The following ULK4 variants were observed in gnomAD, a reference collection of about 807,000 sequenced individuals.
ULK4 encodes the protein unc-51 like kinase 4.
Under a neutral mutation model 160.6 loss-of-function variants are expected in ULK4, and 133 were observed. The ratio of observed to expected loss-of-function variants is 0.83; its 90% CI spans 0.72 to 0.96. The LOEUF (loss-of-function observed/expected upper bound fraction) is 0.96. Among genes scored for constraint, ULK4 ranks in the 40% least tolerant of loss-of-function variants. ULK4 has a pLI of 0.00. For missense variants in ULK4, 1,580 were observed against 1,499.5 expected (o/e 1.05, Z -0.89); for synonymous variants, 534 against 539.8 (o/e 0.99, Z 0.15).
At chr3:41,722,382 A>C (rs961655522) in intron 22 of ULK4, among the ~76,000 whole-genome samples, 1 of 152,128 alleles carries the variant, frequency 6.6e-6, no homozygotes, top group African/African-American at 2.4e-5. Context: ...TAATCCCAGC[A>C]CTTTGGGAGG....
intron 21 of ULK4, among the ~76,000 whole-genome samples, chr3:41,758,315 C>CA (rs1292783522): frequency 6.6e-6 from 1 of 151,960 alleles, no homozygotes; most frequent in Non-Finnish European, 1.5e-5. Context: ...TCAACCAAAA[C>CA]AAAAAACAAA....
At chr3:41,614,550 C>A (rs1312164938) in intron 31 of ULK4, among the ~76,000 whole-genome samples, 1 of 152,070 alleles carries the variant, frequency 6.6e-6, no homozygotes, top group Admixed American at 6.6e-5. Context: ...CTCTAAAATC[C>A]CTTCTTACAA....
intron 30 of ULK4, among the ~76,000 whole-genome samples, chr3:41,658,018 T>C (rs1358069742): frequency 6.6e-6 from 1 of 151,890 alleles, no homozygotes; most frequent in African/African-American, 2.4e-5. Context: ...AAGCAAATAA[T>C]AAGACAGAAA....
intron 32 of ULK4, among the ~76,000 whole-genome samples, chr3:41,543,935 C>T (rs1035973913): frequency 3.3e-5 from 5 of 151,978 alleles, no homozygotes; most frequent in African/African-American, 1.2e-4. Context: ...CCACACTTTC[C>T]TTTAATTCTT....
At chr3:41,752,504 A>G (rs1428407025) in intron 22 of ULK4, among the ~76,000 whole-genome samples, 1 of 152,160 alleles carries the variant, frequency 6.6e-6, no homozygotes, top group Non-Finnish European at 1.5e-5. Context: ...GATGAGAAAC[A>G]AGGAGGTTTG....
At chr3:41,370,559 G>A (rs554888018) in intron 35 of ULK4, among the ~76,000 whole-genome samples, 1 of 152,276 alleles carries the variant, frequency 6.6e-6, no homozygotes, top group African/African-American at 2.4e-5. Context: ...GCAAGGGGTT[G>A]GGGAACTTCC....
At chr3:41,252,609 G>GAAA (rs35292590) in intron 35 of ULK4, among the ~76,000 whole-genome samples, 3 of 104,516 alleles carry the variant, frequency 2.9e-5, no homozygotes, top group African/African-American at 3.9e-5. Context: ...AGCAGAGATT[G>GAAA]AAAAAAAAAA....
chr3:41,798,848 A>G lies in ULK4; in HGVS notation c.2010+1284T>C, dbSNP rs150421515. ...GAGTCAGGAAAGGGCAAAAATAACC[A>G]TTTGAATTAGGTTCCCAAGAAGGGA... is the stretch of plus-strand genomic sequence containing the variant. On this transcript the variant is annotated intron_variant, in intron 20 of 36. Transcript: ENST00000301831. Among the ~76,000 whole-genome samples the G allele has an allele frequency of 3.7e-4, 56 of 152,242 alleles. 1 individual carries two copies. The highest frequency in any genetic ancestry group is 1.0e-3 in the South Asian group (5 of 4,810).
intron 22 of ULK4, among the ~76,000 whole-genome samples, chr3:41,729,849 A>G (rs2037766925): frequency 6.6e-6 from 1 of 152,250 alleles, no homozygotes; most frequent in Non-Finnish European, 1.5e-5. Flanking sequence ...TAGCTGAAAC[A>G]ACGGCACAAA....
chr3:41,281,095 G>T (rs2079343476), intron 35 of ULK4, among the ~76,000 whole-genome samples: 1 of 152,086 alleles, frequency 6.6e-6, no homozygotes, highest in South Asian at 2.1e-4. Context: ...ACCCTCCCAA[G>T]ACTAAACCAG....
intron 16 of ULK4, among the ~76,000 whole-genome samples, chr3:41,886,812 G>A (rs1439971424): frequency 1.3e-5 from 2 of 152,084 alleles, no homozygotes; most frequent in East Asian, 1.9e-4. Context: ...CTGAACTCGT[G>A]ATCCACCCAC....
In ULK4 at chr3:41,504,391, T is replaced by C. The variant is rs534610485; in HGVS notation, c.3227-41138A>G. ...GCAGCTGAAATTAGTTCTCAAAAAA[T>C]ATTTAAATAAATGAATATGTGAATG... On this transcript the variant is annotated intron_variant, in intron 32 of 36. Transcript: ENST00000301831. 7.9e-4 allele frequency among the ~76,000 whole-genome samples: 120 copies of C among 152,312 alleles called. 1 individual carries two copies. The highest frequency in any genetic ancestry group is 3.4e-3 in the Middle Eastern group (1 of 294).
At chr3:41,679,122 A>G (rs1295211480) in intron 29 of ULK4, among the ~76,000 whole-genome samples, 1 of 152,154 alleles carries the variant, frequency 6.6e-6, no homozygotes, top group Non-Finnish European at 1.5e-5. Context: ...TATACATTTT[A>G]ATGGCCAATT....
At chr3:41,554,290 C>G (rs1158868930) in intron 32 of ULK4, among the ~76,000 whole-genome samples, 1 of 152,094 alleles carries the variant, frequency 6.6e-6, no homozygotes, top group Non-Finnish European at 1.5e-5. Flanking sequence ...GTATTCTATC[C>G]ATGTATAGAT....
intron 13 of ULK4, among the ~76,000 whole-genome samples, chr3:41,899,783 C>T (rs1698287012): frequency 6.6e-6 from 1 of 152,108 alleles, no homozygotes; most frequent in African/African-American, 2.4e-5. Flanking sequence ...GCTCATCAAA[C>T]TTAGCATAAT....
At chr3:41,776,492 T>C (rs1403108936) in intron 21 of ULK4, among the ~76,000 whole-genome samples, 1 of 150,824 alleles carries the variant, frequency 6.6e-6, no homozygotes, top group African/African-American at 2.5e-5. Flanking sequence ...TGTGGTACAG[T>C]CACACTACAA....
At chr3:41,563,410 A>G (rs2700463) in intron 32 of ULK4, among the ~76,000 whole-genome samples, 82,869 of 151,996 alleles carry the variant, frequency 0.55, 25,790 homozygotes, top group Admixed American at 0.69. Flanking sequence ...GGCCTGCCTT[A>G]CTAGGTTGGG....
At chr3:41,431,020 G>C (rs73071119) in intron 34 of ULK4, among the ~76,000 whole-genome samples, 18 of 152,318 alleles carry the variant, frequency 1.2e-4, no homozygotes, top group Non-Finnish European at 1.8e-4. Context: ...TGTAGCCATA[G>C]TAGTCTTTCA....
intron 35 of ULK4, among the ~76,000 whole-genome samples, chr3:41,360,571 A>G (rs1187899594): frequency 6.6e-6 from 1 of 152,208 alleles, no homozygotes; most frequent in Non-Finnish European, 1.5e-5. Flanking sequence ...TACACCATGT[A>G]ATACTATGCA....
Sources: allele counts gnomAD v4.1 joint callset (sites outside exome capture counted in the v4.1 genomes callset), GRCh38; gene constraint gnomAD v4.1.1; transcripts MANE v1.5; gene names NCBI Gene and HGNC (gene_info 2026-07-23, HGNC 2026-07-21).